Variants in OR1J2 observed in about 807,000 individuals in gnomAD.
OR1J2 encodes olfactory receptor 1J2.
For synonymous variants in OR1J2, 142 were observed against 99.7 expected (o/e 1.42, Z -2.52); for missense variants, 304 against 246.1 (o/e 1.24, Z -1.57).
the OR1J2 span, among the ~76,000 whole-genome samples, chr9:122,498,322 C>G: frequency 3.3e-5 from 5 of 152,060 alleles, no homozygotes; most frequent in African/African-American, 9.7e-5. Flanking sequence ...CTCATTAAAA[C>G]AAATTTTTAA....
At chr9:122,516,756 G>C in the OR1J2 span, among the ~76,000 whole-genome samples, 1 of 152,326 alleles carries the variant, frequency 6.6e-6, no homozygotes, top group Non-Finnish European at 1.5e-5. Flanking sequence ...AGAGAAACCA[G>C]AAGAGAATGG....
the OR1J2 span, among the ~76,000 whole-genome samples, chr9:122,497,610 A>G: frequency 1.3e-5 from 2 of 152,036 alleles, no homozygotes; most frequent in Admixed American, 6.6e-5. Flanking sequence ...TCTTTCAAAG[A>G]ACCAACTTTT....
At chr9:122,535,553 A>G in the OR1J2 span, among the ~76,000 whole-genome samples, 1 of 152,138 alleles carries the variant, frequency 6.6e-6, no homozygotes, top group Non-Finnish European at 1.5e-5. Context: ...GAAAGAGGTT[A>G]AGGGATAGTG....
the OR1J2 span, among the ~76,000 whole-genome samples, chr9:122,483,787 C>G: frequency 6.6e-6 from 1 of 152,102 alleles, no homozygotes; most frequent in African/African-American, 2.4e-5. Context: ...TGTTTTACTT[C>G]TCTTTATTTT....
rs750697865 is a variant in OR1J2 at position 122,511,470 on chromosome 9, C to G, written c.669C>G (p.Ala223=). The part of the protein sequence containing the change: ...CILVSYGYIG[A]TILRVPSTKG... ...TGGTATCATATGGCTACATTGGGGC[C>G]ACCATCCTGAGGGTCCCTTCAACCA... Residue 223 remains alanine (A), a synonymous_variant, in exon 1 of 1, where the codon GCC becomes GCG. Coordinates refer to ENST00000335302, the MANE Select transcript of OR1J2 (RefSeq NM_054107.1). The G allele has an allele frequency of 2.6e-6, 2 of 780,482 alleles. No individual in the cohort carries two copies. The highest frequency in any genetic ancestry group is 2.7e-5 in the South Asian group (2 of 74,500). 48.3% of individuals were successfully genotyped at this position (780,482 alleles called of 1,614,324 possible).
At chr9:122,560,184 A>G in the OR1J2 span, among the ~76,000 whole-genome samples, 1,468 of 151,868 alleles carry the variant, frequency 9.7e-3, 27 homozygotes, top group African/African-American at 0.034. Context: ...TTGCTTGGTA[A>G]ATTTTCTCCT....
chr9:122,516,592 C>G (rs1403847410), downstream of OR1J2, among the ~76,000 whole-genome samples: 1 of 152,068 alleles, frequency 6.6e-6, no homozygotes, highest in Non-Finnish European at 1.5e-5. Flanking sequence ...CGTGAGCCAC[C>G]GCGCCCGGCC....
the OR1J2 span, among the ~76,000 whole-genome samples, chr9:122,549,524 G>C: frequency 6.6e-6 from 1 of 152,082 alleles, no homozygotes; most frequent in Non-Finnish European, 1.5e-5. Flanking sequence ...AATCCATCTT[G>C]AGTTAATTTT....
chr9:122,500,990 T>C, the OR1J2 span, among the ~76,000 whole-genome samples: 2 of 152,204 alleles, frequency 1.3e-5, no homozygotes, highest in Non-Finnish European at 2.9e-5. Context: ...AAATGAGGTT[T>C]ATGAAAAACA....
the OR1J2 span, chr9:122,568,185 C>T: frequency 6.2e-7 from 1 of 1,614,208 alleles, no homozygotes; most frequent in Non-Finnish European, 8.5e-7. Flanking sequence ...CTGTGTCAGA[C>T]ACCCAGCATA....
At chr9:122,491,961 AAGAG>A in the OR1J2 span, among the ~76,000 whole-genome samples, 1,497 of 152,272 alleles carry the variant, frequency 9.8e-3, 23 homozygotes, top group African/African-American at 0.033. Flanking sequence ...TAGGATAAAA[AAGAG>A]AGAAAAAAGA....
chr9:122,498,715 C>T, the OR1J2 span, among the ~76,000 whole-genome samples: 1 of 152,104 alleles, frequency 6.6e-6, no homozygotes, highest in African/African-American at 2.4e-5. Flanking sequence ...TTCATGGTGC[C>T]AGAATTCTTG....
chr9:122,558,249 T>C, the OR1J2 span, among the ~76,000 whole-genome samples: 1 of 151,090 alleles, frequency 6.6e-6, no homozygotes, highest in South Asian at 2.1e-4. Flanking sequence ...TGTTTTTTTC[T>C]TGTGCTTACT....
the OR1J2 span, chr9:122,519,528 C>A: frequency 6.2e-7 from 1 of 1,614,182 alleles, no homozygotes; most frequent in African/African-American, 1.3e-5. Flanking sequence ...CTGTCACCCC[C>A]TCCGCTACAC....
the OR1J2 span, among the ~76,000 whole-genome samples, chr9:122,546,182 A>G: frequency 6.6e-6 from 1 of 152,168 alleles, no homozygotes; most frequent in Non-Finnish European, 1.5e-5. Context: ...CAAAGGGATG[A>G]GATTCTCAGG....
At chr9:122,498,546 T>C in the OR1J2 span, among the ~76,000 whole-genome samples, 1 of 152,166 alleles carries the variant, frequency 6.6e-6, no homozygotes, top group African/African-American at 2.4e-5. Flanking sequence ...CTTTAGAAGA[T>C]TTTTTGTGTT....
At chr9:122,483,542 T>C in the OR1J2 span, among the ~76,000 whole-genome samples, 1 of 152,204 alleles carries the variant, frequency 6.6e-6, no homozygotes, top group Non-Finnish European at 1.5e-5. Flanking sequence ...TATATATTAT[T>C]TATGGGCACA....
At chr9:122,569,218 C>CT in the OR1J2 span, among the ~76,000 whole-genome samples, 2 of 152,100 alleles carry the variant, frequency 1.3e-5, no homozygotes, top group African/African-American at 4.8e-5. Flanking sequence ...ACAAGTCTCC[C>CT]TTTTTTTGTA....
chr9:122,559,286 T>C, the OR1J2 span, among the ~76,000 whole-genome samples: 1 of 152,066 alleles, frequency 6.6e-6, no homozygotes, highest in Non-Finnish European at 1.5e-5. Flanking sequence ...TTGTTTTTTC[T>C]ATATGTAATA....
Sources: gnomAD v4.1 joint callset for allele counts (sites outside exome capture counted in the v4.1 genomes callset) on GRCh38, gnomAD v4.1.1 for gene constraint, MANE v1.5 for transcripts, NCBI Gene and HGNC (gene_info 2026-07-23, HGNC 2026-07-21) for gene names.